PLB1: variants seen among roughly 807,000 people sequenced by gnomAD.
The protein encoded by PLB1 is phospholipase B1, also known as phospholipase B1, membrane-associated.
A neutral mutation model predicts 227.4 loss-of-function variants in PLB1; 242 were observed. That is an observed-to-expected ratio of 1.06 (90% CI 0.96 to 1.18). PLB1 has a LOEUF of 1.18. Ranked by LOEUF, PLB1 falls within the 50% of genes most tolerant of loss-of-function variation. The pLI, the probability that PLB1 is intolerant of heterozygous loss-of-function variation, is 0.00. For synonymous variants in PLB1, 757 were observed against 682.2 expected, an observed-to-expected ratio of 1.11 and a Z score of -1.71; for missense variants, 1,858 against 1,816.3, an observed-to-expected ratio of 1.02 and a Z score of -0.42.
chr2:28,544,124 A>G (rs937643524), intron 14 of PLB1, among the ~76,000 whole-genome samples: 3 of 152,214 alleles, frequency 2.0e-5, no homozygotes, highest in African/African-American at 4.8e-5. Flanking sequence ...TTCAGCACAC[A>G]TGAGCCAGTG....
chr2:28,607,449 T>C (rs1684849981), intron 43 of PLB1, among the ~76,000 whole-genome samples: 2 of 152,150 alleles, frequency 1.3e-5, no homozygotes, highest in South Asian at 2.1e-4. Flanking sequence ...TACCCCAGTC[T>C]TGGGCTCAGG....
chr2:28,577,264 C>A (rs1426065564), intron 21 of PLB1, among the ~76,000 whole-genome samples: 1 of 152,198 alleles, frequency 6.6e-6, no homozygotes, highest in South Asian at 2.1e-4. Flanking sequence ...CCCAGTGACC[C>A]TCCAAGATCA....
At chr2:28,534,742 T>A (rs1671454601) in intron 9 of PLB1, among the ~76,000 whole-genome samples, 1 of 152,006 alleles carries the variant, frequency 6.6e-6, no homozygotes, top group Non-Finnish European at 1.5e-5. Context: ...TAGTCCCAGC[T>A]ACTCGGGAGG....
chr2:28,575,856 A>G (rs911800285), intron 21 of PLB1, among the ~76,000 whole-genome samples: 1 of 152,138 alleles, frequency 6.6e-6, no homozygotes, highest in East Asian at 1.9e-4. Flanking sequence ...CAGCAGGCCC[A>G]ATATGTTTTA....
chr2:28,526,531 G>T (rs997355818), intron 6 of PLB1, among the ~76,000 whole-genome samples: 2 of 152,202 alleles, frequency 1.3e-5, no homozygotes, highest in Non-Finnish European at 1.5e-5. Flanking sequence ...TCATAATTTA[G>T]TTTTTTTAAA....
intron 6 of PLB1, among the ~76,000 whole-genome samples, chr2:28,526,691 A>G (rs1166863505): frequency 6.6e-6 from 1 of 152,224 alleles, no homozygotes; most frequent in Non-Finnish European, 1.5e-5. Context: ...CGTCCGTATT[A>G]GAGCAAGAAG....
chr2:28,601,868 C>G, intron 37 of PLB1, 31 bp from the exon 38 acceptor site: 13 of 1,536,718 alleles, frequency 8.5e-6, no homozygotes, highest in Non-Finnish European at 1.2e-5. Flanking sequence ...CTAACCAGTT[C>G]CTCCTTTTCC....
chr2:28,499,071 GT>G (rs1183406943), intron 1 of PLB1, among the ~76,000 whole-genome samples: 3 of 144,930 alleles, frequency 2.1e-5, no homozygotes, highest in African/African-American at 7.8e-5. Context: ...AGATATTTTT[GT>G]TGTGTGGCAA....
chr2:28,589,155 ACT>A (rs1681430821), intron 26 of PLB1, among the ~76,000 whole-genome samples: 1 of 151,080 alleles, frequency 6.6e-6, no homozygotes, highest in Admixed American at 6.6e-5. Context: ...ACAGAGTGAG[ACT>A]CTGTCCCCCC....
At position 28,548,921 on chromosome 2, in the gene PLB1, G is replaced by C; in HGVS notation, c.998G>C (p.Cys333Ser). The C allele has an allele frequency of 6.2e-7, 1 of 1,614,076 alleles. No homozygotes were observed. Among genetic ancestry groups the C allele is most frequent in the Non-Finnish European group, 8.5e-7 (1 of 1,179,936 alleles). ...LSVKHGRPMK[C>S]PSQESPYLFS... ...GTAAAACACGGGAGGCCAATGAAGTGTCCCTCTCAGGTAGGAGGGACTGGG... is the reference window on the plus strand; with the variant it reads ...GTAAAACACGGGAGGCCAATGAAGTCTCCCTCTCAGGTAGGAGGGACTGGG... The change falls in exon 15 of 58, where the codon TGT becomes TCT. Residue 333 changes from cysteine to serine, a missense_variant. Cys to Ser is a moderately radical substitution (Grantham distance 112). Coordinates refer to ENST00000327757, the MANE Select transcript of PLB1 (RefSeq NM_153021.5).
chr2:28,511,952 CT>C (rs35941185), intron 1 of PLB1, among the ~76,000 whole-genome samples: 1,777 of 131,360 alleles, frequency 0.014, 16 homozygotes, highest in African/African-American at 0.023. Context: ...GCCTGGCTAA[CT>C]TTTTTTTTTT....
At chr2:28,594,031 C>T (rs1221342317) in intron 33 of PLB1, 3 of 711,050 alleles carry the variant, frequency 4.2e-6, no homozygotes, top group African/African-American at 3.5e-5. Flanking sequence ...AGGAAATGCA[C>T]CAGAAAAGCA....
At chr2:28,503,380 C>T (rs1197381473) in intron 1 of PLB1, among the ~76,000 whole-genome samples, 1 of 152,094 alleles carries the variant, frequency 6.6e-6, no homozygotes, top group Non-Finnish European at 1.5e-5. Flanking sequence ...GTCTTGAACT[C>T]CTAGGCTCAA....
Position 28,516,952 on chromosome 2 carries a change from G to A in PLB1, c.117+83G>A, listed in dbSNP as rs181630825. The A allele has an allele frequency of 1.6e-5, 22 of 1,393,564 alleles. No individual in the cohort carries two copies. In the African/African-American group the frequency reaches 2.6e-4, roughly 16 times the overall value. 86.3% of individuals were successfully genotyped at this position (1,393,564 alleles called of 1,614,324 possible). On this transcript the variant is annotated intron_variant, in intron 2 of 57. Transcript: ENST00000327757. ...CTTGTAGTGGGTAAACCCAAGTTTTGGTGCAAGTTGACAGGCCCCTTCCTG... is the reference window on the plus strand; with the variant it reads ...CTTGTAGTGGGTAAACCCAAGTTTTAGTGCAAGTTGACAGGCCCCTTCCTG...
At chr2:28,567,604 GCT>G (rs1677238044) in intron 20 of PLB1, among the ~76,000 whole-genome samples, 1 of 150,604 alleles carries the variant, frequency 6.6e-6, no homozygotes, top group African/African-American at 2.5e-5. Context: ...CTCCCGAGTA[GCT>G]GGGACTACAG....
chr2:28,609,913 G>C (rs764632803), intron 43 of PLB1, among the ~76,000 whole-genome samples: 3 of 151,936 alleles, frequency 2.0e-5, no homozygotes, highest in Non-Finnish European at 4.4e-5. Flanking sequence ...CACTTTGTAC[G>C]TTAAAGGCTA....
chr2:28,611,502 A>G (rs1685455414), intron 43 of PLB1, among the ~76,000 whole-genome samples: 1 of 152,048 alleles, frequency 6.6e-6, no homozygotes, highest in African/African-American at 2.4e-5. Flanking sequence ...CTCAGCAGGT[A>G]CTACACTGAC....
intron 21 of PLB1, among the ~76,000 whole-genome samples, chr2:28,577,257 AGTG>A: frequency 6.6e-6 from 1 of 152,330 alleles, no homozygotes; most frequent in East Asian, 1.9e-4. Flanking sequence ...TACTGGTCCC[AGTG>A]ACCCTCCAAG....
chr2:28,500,851 C>G (rs1179643193), intron 1 of PLB1, among the ~76,000 whole-genome samples: 1 of 152,314 alleles, frequency 6.6e-6, no homozygotes, highest in Admixed American at 6.5e-5. Context: ...AAAGTTATTA[C>G]AGATTTGGCC....
Sources: allele counts gnomAD v4.1 joint callset (sites outside exome capture counted in the v4.1 genomes callset), GRCh38; gene constraint gnomAD v4.1.1; transcripts MANE v1.5; gene names NCBI Gene and HGNC (gene_info 2026-07-23, HGNC 2026-07-21).